CYP20A1: variants seen among roughly 807,000 people sequenced by gnomAD.
CYP20A1 encodes cytochrome P450 20A1.
CYP20A1 carries 61 observed loss-of-function variants against 61.4 expected under a neutral mutation model. The ratio of observed to expected loss-of-function variants is 0.99; its 90% CI spans 0.81 to 1.23. CYP20A1 has a LOEUF of 1.23. Among genes scored for constraint, CYP20A1 ranks in the 50% most tolerant of loss-of-function variants. The pLI, the probability that CYP20A1 is intolerant of heterozygous loss-of-function variation, is 0.00. For synonymous variants in CYP20A1, 193 were observed against 188.2 expected, an observed-to-expected ratio of 1.03 and a Z score of -0.21; for missense variants, 530 against 542.4, an observed-to-expected ratio of 0.98 and a Z score of 0.23.
chr2:203,272,076 TC>T (rs2067624960), intron 5 of CYP20A1, among the ~76,000 whole-genome samples: 1 of 152,228 alleles, frequency 6.6e-6, no homozygotes, highest in Admixed American at 6.5e-5. Context: ...GTGTCCTTTT[TC>T]TTCTCCCTAC....
chr2:203,301,248 C>A lies in CYP20A1; in HGVS notation c.*4340C>A, dbSNP rs559363350. Among the ~76,000 whole-genome samples, 13 of 143,738 alleles carry A rather than the reference C, an allele frequency of 9.0e-5. No individual in the cohort carries two copies. In the South Asian group the frequency reaches 2.5e-3, roughly 27 times the overall value. The allele number at this position is 143,738 out of a possible 152,430, so 94.3% of individuals were successfully genotyped here. On this transcript the variant is annotated 3_prime_UTR_variant, in exon 13 of 13. Coordinates refer to ENST00000356079, the MANE Select transcript of CYP20A1 (RefSeq NM_177538.3). ...AACTTTTTTTCTTTTTCTTTTCTTTCTTTCTTTTCTTTTCTTTTTTTTTTT... is the reference window on the plus strand; with the variant it reads ...AACTTTTTTTCTTTTTCTTTTCTTTATTTCTTTTCTTTTCTTTTTTTTTTT...
chr2:203,256,619 A>T (rs559471066), intron 4 of CYP20A1, among the ~76,000 whole-genome samples: 12 of 152,214 alleles, frequency 7.9e-5, no homozygotes, highest in Admixed American at 5.2e-4. Context: ...TCAGCCTCCC[A>T]AAGTGCTGGG....
chr2:203,295,744 A>T (rs1575283851), intron 11 of CYP20A1, among the ~76,000 whole-genome samples: 1 of 151,892 alleles, frequency 6.6e-6, no homozygotes, highest in African/African-American at 2.4e-5. Context: ...AGGTCAAGAG[A>T]TCGAGACCAT....
chr2:203,246,999 A>G (rs2066483726), intron 3 of CYP20A1, 78 bp downstream of exon 3: 8 of 1,413,028 alleles, frequency 5.7e-6, no homozygotes, highest in Non-Finnish European at 7.8e-6. Flanking sequence ...GGTGGCTCAC[A>G]CCTGTAATCC....
intron 3 of CYP20A1, among the ~76,000 whole-genome samples, chr2:203,250,631 A>C (rs1250977064): frequency 6.6e-6 from 1 of 152,236 alleles, no homozygotes; most frequent in East Asian, 1.9e-4. Context: ...TGGAGTTTCT[A>C]GGCTAATGTT....
chr2:203,264,639 C>T (rs918692307), intron 4 of CYP20A1, among the ~76,000 whole-genome samples: 1 of 152,076 alleles, frequency 6.6e-6, no homozygotes. Context: ...ATTTCTGATG[C>T]ACATGGGTTT....
At position 203,272,682 on chromosome 2, in the gene CYP20A1, A is replaced by G; in HGVS notation, c.613A>G (p.Ile205Val). 3 of 1,600,270 alleles carry G rather than the reference A, an allele frequency of 1.9e-6. No homozygotes were observed. The highest frequency in any genetic ancestry group is 2.6e-6 in the Non-Finnish European group (3 of 1,173,842). ...TACCTATTTTCAGGTTTGGTCTGAG[A>G]TTGGAAAAGGCTTTCTAGATGGGTC... ...QKNHGTVWSEIGKGFLDGSLD... is the reference protein window; with the variant it reads ...QKNHGTVWSEVGKGFLDGSLD... The change falls in exon 6 of 13, where the codon ATT becomes GTT. Residue 205 changes from isoleucine to valine, a missense_variant. Coordinates refer to ENST00000356079, the MANE Select transcript of CYP20A1 (RefSeq NM_177538.3).
chr2:203,287,622 C>T (rs1320679822), intron 9 of CYP20A1, among the ~76,000 whole-genome samples: 2 of 152,142 alleles, frequency 1.3e-5, no homozygotes, highest in Non-Finnish European at 2.9e-5. Flanking sequence ...GGGAGGATCA[C>T]TTGGGCCTGG....
chr2:203,269,211 G>A (rs962191032), intron 5 of CYP20A1, among the ~76,000 whole-genome samples: 3 of 151,964 alleles, frequency 2.0e-5, no homozygotes, highest in Admixed American at 1.3e-4. Flanking sequence ...GGAAGCCAAG[G>A]CAGGAGGATT....
At chr2:203,249,602 T>C (rs1319478966) in intron 3 of CYP20A1, among the ~76,000 whole-genome samples, 1 of 152,154 alleles carries the variant, frequency 6.6e-6, no homozygotes, top group East Asian at 1.9e-4. Flanking sequence ...CCCAGCACTT[T>C]GGGAGGCTGA....
In CYP20A1 at chr2:203,245,828, A is replaced by G; in HGVS notation, c.73-18A>G. On this transcript the variant is annotated intron_variant, in intron 1 of 12. Transcript: ENST00000356079. ...GGGATATATGATAATTCATTATTAT[A>G]AACTTTTTTTTTGTAAGGCTTCCAG... is the stretch of plus-strand genomic sequence containing the variant. 1 of 1,555,044 alleles carries G rather than the reference A, an allele frequency of 6.4e-7. No homozygotes were observed. Among genetic ancestry groups the G allele is most frequent in the Non-Finnish European group, 8.8e-7 (1 of 1,132,246 alleles).
At chr2:203,296,687 A>G in intron 12 of CYP20A1, 71 bp from the exon 13 acceptor site, 1 of 1,507,672 alleles carries the variant, frequency 6.6e-7, no homozygotes, top group Non-Finnish European at 8.9e-7. Context: ...TCTGGGGTTC[A>G]TGTGCAGAAC....
Position 203,300,242 on chromosome 2 carries a change from T to C in CYP20A1, c.*3334T>C, listed in dbSNP as rs186955271. ...GAGGAATCAGCTAAATTAGTATGTT[T>C]TATCCATAGTTACATGACTAACAAA... On this transcript the variant is annotated 3_prime_UTR_variant, in exon 13 of 13. Coordinates refer to ENST00000356079, the MANE Select transcript of CYP20A1 (RefSeq NM_177538.3). Among the ~76,000 whole-genome samples, 97 of 152,346 alleles carry C rather than the reference T, an allele frequency of 6.4e-4. No individual in the cohort carries two copies. The East Asian group carries it at 0.017, about 27-fold the overall frequency.
chr2:203,301,504 C>T lies in CYP20A1; in HGVS notation c.*4596C>T, dbSNP rs959327918. Among the ~76,000 whole-genome samples, 1 of 152,056 alleles carries T rather than the reference C, an allele frequency of 6.6e-6. No homozygotes were observed. The highest frequency in any genetic ancestry group is 1.5e-5 in the Non-Finnish European group (1 of 68,016). On this transcript the variant is annotated 3_prime_UTR_variant, in exon 13 of 13. Transcript: ENST00000356079. ...CAGTCTTGTCTCAAACTCCTAGGCT[C>T]AAGCGATCCTCCCACCTGGGCCTCC...
At chr2:203,251,793 G>GTATATATATATATATATATATATGTA (rs1553513993) in intron 3 of CYP20A1, among the ~76,000 whole-genome samples, 174 bp from the exon 4 acceptor site, 11 of 64,176 alleles carry the variant, frequency 1.7e-4, no homozygotes, top group African/African-American at 4.5e-4. Flanking sequence ...ATATATATGT[G>GTATATATATATATATATATATATGTA]TATATATATA....
In CYP20A1 at chr2:203,299,014, G is replaced by A. The variant is rs1419814940; in HGVS notation, c.*2106G>A. Reference sequence around the variant, plus strand: ...TGTGCTAGTGCACTCCAGCCTGGGCGACAGGGCTGAGACCTTGTCTCAAAA... The same window carrying A: ...TGTGCTAGTGCACTCCAGCCTGGGCAACAGGGCTGAGACCTTGTCTCAAAA... On this transcript the variant is annotated 3_prime_UTR_variant, in exon 13 of 13. Transcript: ENST00000356079. Among the ~76,000 whole-genome samples the A allele has an allele frequency of 1.3e-5, 2 of 151,898 alleles. No homozygotes were observed. The highest frequency in any genetic ancestry group is 1.9e-4 in the East Asian group (1 of 5,174).
intron 11 of CYP20A1, among the ~76,000 whole-genome samples, chr2:203,292,898 G>A (rs1000499607): frequency 2.6e-5 from 4 of 152,056 alleles, no homozygotes; most frequent in African/African-American, 7.2e-5. Context: ...AAAGCAGGCC[G>A]GGCACCGTGG....
intron 4 of CYP20A1, among the ~76,000 whole-genome samples, chr2:203,257,816 T>A (rs2066950197): frequency 6.6e-6 from 1 of 152,112 alleles, no homozygotes. Context: ...ATGTGGTTAC[T>A]TAGTAGGTGT....
intron 9 of CYP20A1, among the ~76,000 whole-genome samples, chr2:203,288,783 T>C (rs772021016): frequency 1.3e-5 from 2 of 152,202 alleles, no homozygotes; most frequent in African/African-American, 2.4e-5. Context: ...AGTAGGACAG[T>C]GGTTAAGATT....
Sources: gnomAD v4.1 joint callset for allele counts (sites outside exome capture counted in the v4.1 genomes callset) on GRCh38, gnomAD v4.1.1 for gene constraint, MANE v1.5 for transcripts, NCBI Gene and HGNC (gene_info 2026-07-23, HGNC 2026-07-21) for gene names.